The following GABRB3 variants were observed in gnomAD, a reference collection of about 807,000 sequenced individuals.
GABRB3 encodes the protein gamma-aminobutyric acid type A receptor subunit beta3.
Under a neutral mutation model 52.1 loss-of-function variants are expected in GABRB3, and 14 were observed. The ratio of observed to expected loss-of-function variants is 0.27; its 90% confidence interval spans 0.18 to 0.42. The LOEUF (loss-of-function observed/expected upper bound fraction) is 0.42. Among genes scored for constraint, GABRB3 ranks in the 10% least tolerant of loss-of-function variants. The pLI, the probability that GABRB3 is intolerant of heterozygous loss-of-function variation, is 1.00. For synonymous variants in GABRB3, 260 were observed against 232.3 expected, an observed-to-expected ratio of 1.12 and a Z score of -1.08; for missense variants, 307 against 609.1, an observed-to-expected ratio of 0.50 and a Z score of 5.22.
chr15:26,692,806 G>A (rs1320896902), intron 3 of GABRB3, among the ~76,000 whole-genome samples: 1 of 152,186 alleles, frequency 6.6e-6, no homozygotes, highest in Non-Finnish European at 1.5e-5. Context: ...ACACTAGGAT[G>A]CTTTGTGAAT....
At chr15:26,770,493 C>G (rs1471503631) in intron 3 of GABRB3, among the ~76,000 whole-genome samples, 1 of 152,186 alleles carries the variant, frequency 6.6e-6, no homozygotes, top group Non-Finnish European at 1.5e-5. Flanking sequence ...TAGGCAAACA[C>G]TGATGAAGTT....
chr15:26,755,352 A>G (rs1890633625), intron 3 of GABRB3, among the ~76,000 whole-genome samples: 1 of 152,096 alleles, frequency 6.6e-6, no homozygotes, highest in Non-Finnish European at 1.5e-5. Context: ...CTTCTGAGAA[A>G]CATTTTCTTT....
chr15:26,669,576 C>T (rs908984501), intron 3 of GABRB3, among the ~76,000 whole-genome samples: 8 of 152,096 alleles, frequency 5.3e-5, no homozygotes, highest in Non-Finnish European at 1.2e-4. Context: ...GTTCTCATCA[C>T]CCACAGCCTC....
Position 26,773,035 on chromosome 15 carries a change from G to A in GABRB3, c.-73C>T. The stretch of plus-strand genomic sequence containing the variant: ...GCGACCCGCAGCCGGGGCTGCTCCT[G>A]CTGCTGCCGCCGCCGCCGCCGCCGC... On this transcript the variant is annotated 5_prime_UTR_variant, in exon 1 of 9. Coordinates refer to ENST00000311550, the MANE Select transcript of GABRB3 (RefSeq NM_000814.6). The A allele has an allele frequency of 2.0e-6, 2 of 989,032 alleles. No individual in the cohort carries two copies. The highest frequency in any genetic ancestry group is 1.3e-4 in the Admixed American group (1 of 7,614). The allele number at this position is 989,032 out of a possible 1,614,324, so 61.3% of individuals were successfully genotyped here.
rs1259967534 is a variant in GABRB3 at position 26,548,115 on chromosome 15, A to G, written c.1100T>C (p.Ile367Thr). The change falls in exon 9 of 9, where the codon ATT becomes ACT. Residue 367 changes from isoleucine (I) to threonine (T), a missense_variant. Ile to Thr is a moderately conservative substitution (Grantham distance 89). Transcript: ENST00000311550. ...ESNRVDAHGN[I>T]LLTSLEVHNE... ...GTGAACTTCCAGCGATGTCAACAGA[A>G]TATTTCCATGAGCATCCACCTAATT... The G allele has an allele frequency of 6.8e-6, 11 of 1,614,152 alleles. No homozygotes were observed. Among genetic ancestry groups the G allele is most frequent in the South Asian group, 1.1e-5 (1 of 91,080 alleles).
intron 3 of GABRB3, among the ~76,000 whole-genome samples, chr15:26,743,011 C>T (rs1022080776): frequency 7.1e-5 from 10 of 140,038 alleles, no homozygotes; most frequent in Non-Finnish European, 3.0e-5. Flanking sequence ...CACACTGCAA[C>T]CTCCGCCTCC....
intron 4 of GABRB3, among the ~76,000 whole-genome samples, chr15:26,606,799 TATATCTATA>T: frequency 7.9e-6 from 1 of 127,238 alleles, no homozygotes; most frequent in Non-Finnish European, 1.7e-5. Flanking sequence ...TATAGATAGA[TATATCTATA>T]GATAGATAGA....
chr15:26,754,760 G>C (rs1390603608), intron 3 of GABRB3, among the ~76,000 whole-genome samples: 2 of 152,086 alleles, frequency 1.3e-5, no homozygotes, highest in Non-Finnish European at 2.9e-5. Flanking sequence ...TCAAGGCAAC[G>C]ACACAAAGGA....
chr15:26,625,267 G>C lies in GABRB3; in HGVS notation c.241-3733C>G, dbSNP rs185775417. On this transcript the variant is annotated intron_variant, in intron 3 of 8. Coordinates refer to ENST00000311550, the MANE Select transcript of GABRB3 (RefSeq NM_000814.6). ...GAGCATGGAGAGTCAGGTCATGCAG[G>C]GGGGTTCTTCAGGGCAGTAATCAGA... Among the ~76,000 whole-genome samples the C allele has an allele frequency of 3.3e-5, 5 of 152,170 alleles. No homozygotes were observed. The South Asian group carries it at 6.2e-4, about 19-fold the overall frequency.
intron 3 of GABRB3, among the ~76,000 whole-genome samples, chr15:26,680,110 AG>A (rs1888191814): frequency 6.6e-6 from 1 of 152,192 alleles, no homozygotes; most frequent in South Asian, 2.1e-4. Flanking sequence ...TCCACGATGA[AG>A]GTGGGCCTCA....
At chr15:26,557,851 C>G (rs993762911) in intron 8 of GABRB3, 1 of 152,162 alleles carries the variant, frequency 6.6e-6, no homozygotes, top group Non-Finnish European at 1.5e-5. Flanking sequence ...TTATAATATA[C>G]TTTTTCTACA....
chr15:26,562,105 C>T (rs1005351535), intron 7 of GABRB3, among the ~76,000 whole-genome samples: 5 of 152,150 alleles, frequency 3.3e-5, no homozygotes, highest in African/African-American at 1.2e-4. Context: ...ACTGAATCAT[C>T]TGAGGCCATA....
intron 3 of GABRB3, among the ~76,000 whole-genome samples, chr15:26,690,564 G>A (rs563259769): frequency 2.4e-4 from 36 of 151,974 alleles, no homozygotes; most frequent in African/African-American, 7.7e-4. Context: ...AGGACAAAAC[G>A]TAGATCAGGT....
At chr15:26,599,397 T>C (rs1307144289) in intron 4 of GABRB3, among the ~76,000 whole-genome samples, 1 of 152,090 alleles carries the variant, frequency 6.6e-6, no homozygotes, top group Non-Finnish European at 1.5e-5. Flanking sequence ...TGACCCCACC[T>C]AAACTCAGGG....
intron 3 of GABRB3, among the ~76,000 whole-genome samples, chr15:26,667,534 A>T (rs1243678320): frequency 6.6e-6 from 1 of 152,178 alleles, no homozygotes; most frequent in Middle Eastern, 3.2e-3. Context: ...TCAGCCTTCT[A>T]CAAAAGGTGT....
chr15:26,773,746 C>T, upstream of GABRB3: 1 of 1,551,514 alleles, frequency 6.4e-7, no homozygotes, highest in Non-Finnish European at 8.7e-7. Flanking sequence ...TCCGGCCTAA[C>T]CTGCTGGGAT....
chr15:26,627,507 T>C (rs1411907118), intron 3 of GABRB3, among the ~76,000 whole-genome samples: 2 of 151,598 alleles, frequency 1.3e-5, no homozygotes, highest in African/African-American at 4.8e-5. Flanking sequence ...AGAACATTCA[T>C]GATTTATAGG....
intron 3 of GABRB3, among the ~76,000 whole-genome samples, chr15:26,707,654 G>A (rs1434426161): frequency 6.6e-6 from 1 of 152,212 alleles, no homozygotes; most frequent in African/African-American, 2.4e-5. Flanking sequence ...CCTAGCTGCA[G>A]AGGTAATTAG....
intron 3 of GABRB3, among the ~76,000 whole-genome samples, chr15:26,632,230 TCTCA>T (rs1272836762): frequency 7.2e-5 from 11 of 152,238 alleles, no homozygotes; most frequent in Admixed American, 5.9e-4. Context: ...GTAAGGGTCC[TCTCA>T]CTCAGCCTAG....
Sources: allele counts gnomAD v4.1 joint callset (sites outside exome capture counted in the v4.1 genomes callset), GRCh38; gene constraint gnomAD v4.1.1; transcripts MANE v1.5; gene names NCBI Gene and HGNC (gene_info 2026-07-23, HGNC 2026-07-21).